MRAP2: variants seen among roughly 807,000 people sequenced by gnomAD.
MRAP2 encodes the protein melanocortin-2 receptor accessory protein 2.
Under a neutral mutation model 17.4 loss-of-function variants are expected in MRAP2, and 20 were observed. The observed-to-expected ratio is 1.15, with a 90% confidence interval of 0.81 to 1.67. The LOEUF is 1.67. MRAP2 is among the 40% of genes most tolerant of loss of function. The pLI is 0.00. For missense variants in MRAP2, 238 were observed against 240.0 expected, an observed-to-expected ratio of 0.99 and a Z score of 0.05; for synonymous variants, 96 against 88.4, an observed-to-expected ratio of 1.09 and a Z score of -0.48.
the MRAP2 span, among the ~76,000 whole-genome samples, chr6:84,140,749 T>C: frequency 6.6e-6 from 1 of 152,144 alleles, no homozygotes; most frequent in Non-Finnish European, 1.5e-5. Context: ...GGTTTCAAAC[T>C]CCTGGCCTTG....
the MRAP2 span, among the ~76,000 whole-genome samples, chr6:84,097,941 T>C: frequency 2.0e-5 from 3 of 152,192 alleles, no homozygotes; most frequent in Admixed American, 6.5e-5. Context: ...CAGGACTGAA[T>C]TGCATTTTTA....
chr6:84,088,973 T>G, intron 3 of MRAP2, 118 bp from the exon 4 acceptor site: 2 of 1,121,162 alleles, frequency 1.8e-6, no homozygotes, highest in Non-Finnish European at 1.3e-6. Flanking sequence ...TGCAAGGGGC[T>G]TACACTCAAT....
At chr6:84,117,884 T>C in the MRAP2 span, among the ~76,000 whole-genome samples, 1 of 152,302 alleles carries the variant, frequency 6.6e-6, no homozygotes, top group South Asian at 2.1e-4. Context: ...ACTGACTTGT[T>C]GTTGGGCCGA....
chr6:84,045,882 A>G (rs1019986554), intron 1 of MRAP2, among the ~76,000 whole-genome samples: 1 of 152,268 alleles, frequency 6.6e-6, no homozygotes, highest in Non-Finnish European at 1.5e-5. Context: ...CTGAGTTTGT[A>G]ATACAAGTGA....
chr6:84,119,897 C>T, the MRAP2 span, among the ~76,000 whole-genome samples: 1 of 152,194 alleles, frequency 6.6e-6, no homozygotes, highest in African/African-American at 2.4e-5. Flanking sequence ...AGTTCTGTTC[C>T]TCTAGCATAA....
At chr6:84,130,334 T>C in the MRAP2 span, among the ~76,000 whole-genome samples, 2 of 152,190 alleles carry the variant, frequency 1.3e-5, no homozygotes, top group African/African-American at 2.4e-5. Flanking sequence ...TTGTTGTGTT[T>C]CTGCCAGGTT....
the MRAP2 span, among the ~76,000 whole-genome samples, chr6:84,125,654 C>T: frequency 6.6e-6 from 1 of 151,986 alleles, no homozygotes; most frequent in Non-Finnish European, 1.5e-5. Flanking sequence ...ATCTCTCGCC[C>T]CTCTTCCTCT....
intron 1 of MRAP2, among the ~76,000 whole-genome samples, chr6:84,047,075 A>G (rs1187165762): frequency 6.6e-6 from 1 of 152,058 alleles, no homozygotes; most frequent in Non-Finnish European, 1.5e-5. Flanking sequence ...GCACCCTGTC[A>G]TCCTCTGGGG....
At chr6:84,062,710 C>T (rs1300192420) in intron 2 of MRAP2, 183 bp from the exon 3 acceptor site, 7 of 985,218 alleles carry the variant, frequency 7.1e-6, no homozygotes, top group African/African-American at 3.5e-5. Context: ...AACCTGGAGG[C>T]GGAGCAGACT....
At chr6:84,080,900 T>C (rs2099498796) in intron 3 of MRAP2, among the ~76,000 whole-genome samples, 1 of 152,196 alleles carries the variant, frequency 6.6e-6, no homozygotes, top group South Asian at 2.1e-4. Flanking sequence ...TGTGACCTGT[T>C]TTCTTATTTT....
chr6:84,112,979 G>GT, the MRAP2 span, among the ~76,000 whole-genome samples: 1 of 151,968 alleles, frequency 6.6e-6, no homozygotes, highest in Non-Finnish European at 1.5e-5. Flanking sequence ...TATGATTTCT[G>GT]TTTTTTGCAT....
the MRAP2 span, chr6:84,126,266 A>G: frequency 1.5e-6 from 1 of 646,158 alleles, no homozygotes; most frequent in Non-Finnish European, 2.3e-6. Context: ...AGATCAAAAT[A>G]CACTGGAAAC....
the MRAP2 span, among the ~76,000 whole-genome samples, chr6:84,115,333 C>T: frequency 3.9e-5 from 6 of 152,330 alleles, no homozygotes; most frequent in African/African-American, 1.2e-4. Context: ...CTGCAGTCGG[C>T]TTCACCTAGT....
chr6:84,058,711 G>C (rs948942824), intron 2 of MRAP2, among the ~76,000 whole-genome samples: 55 of 152,178 alleles, frequency 3.6e-4, no homozygotes, highest in Non-Finnish European at 1.2e-4. Flanking sequence ...GGGTTGCATA[G>C]CAGCATAGGT....
In MRAP2 at chr6:84,089,678, G is replaced by A. The variant is rs1007230787; in HGVS notation, c.*197G>A. 6 of 605,920 alleles carry A rather than the reference G, an allele frequency of 9.9e-6. No individual in the cohort carries two copies. Among genetic ancestry groups the A allele is most frequent in the Non-Finnish European group, 1.6e-5 (6 of 368,606 alleles). 37.5% of individuals were successfully genotyped at this position (605,920 alleles called of 1,614,324 possible). On this transcript the variant is annotated 3_prime_UTR_variant, in exon 4 of 4. Transcript: ENST00000257776. ...TGGTTTTTTGTTTTGTTTTGTTTTTGCTTTTTAATACATTTGGAGCTTTGG... is the reference window on the plus strand; with the variant it reads ...TGGTTTTTTGTTTTGTTTTGTTTTTACTTTTTAATACATTTGGAGCTTTGG...
chr6:84,142,430 A>AT, the MRAP2 span, among the ~76,000 whole-genome samples: 10 of 151,994 alleles, frequency 6.6e-5, no homozygotes, highest in African/African-American at 2.4e-4. Flanking sequence ...ATACGTATAC[A>AT]TTTTTTTTCT....
Position 84,089,281 on chromosome 6 carries a change from A to T in MRAP2, c.418A>T (p.Ser140Cys). The T allele has an allele frequency of 1.9e-6, 3 of 1,614,216 alleles. No homozygotes were observed. Among genetic ancestry groups the T allele is most frequent in the Non-Finnish European group, 2.5e-6 (3 of 1,180,042 alleles). ...TTGTCACCAGACCACAGCCCTTGAC[A>T]GTGACGTCCAACTCCAGGAAGCCAT... ...KACHQTTALD[S>C]DVQLQEAIRS... Residue 140 changes from serine (S) to cysteine (C), a missense_variant, in exon 4 of 4, where the codon AGT (serine) becomes TGT (cysteine). Coordinates refer to ENST00000257776, the MANE Select transcript of MRAP2 (RefSeq NM_138409.4).
intron 3 of MRAP2, among the ~76,000 whole-genome samples, chr6:84,071,188 G>A (rs1387743639): frequency 6.6e-6 from 1 of 152,122 alleles, no homozygotes; most frequent in Non-Finnish European, 1.5e-5. Flanking sequence ...TGTGATTTAT[G>A]CTTTAAAGAG....
chr6:84,058,035 C>T (rs1484100044), intron 2 of MRAP2, among the ~76,000 whole-genome samples: 2 of 152,040 alleles, frequency 1.3e-5, no homozygotes, highest in Admixed American at 6.5e-5. Flanking sequence ...CAGCAGGAAA[C>T]GAAGTCAAAG....
Sources: allele counts gnomAD v4.1 joint callset (sites outside exome capture counted in the v4.1 genomes callset), GRCh38; gene constraint gnomAD v4.1.1; transcripts MANE v1.5; gene names NCBI Gene and HGNC (gene_info 2026-07-23, HGNC 2026-07-21).